Variants in TP53BP2 observed in about 807,000 individuals in gnomAD.
TP53BP2 encodes tumor protein p53 binding protein 2.
A neutral mutation model predicts 126.2 loss-of-function variants in TP53BP2; 62 were observed. The ratio of observed to expected loss-of-function variants is 0.49; its 90% confidence interval spans 0.40 to 0.61. The LOEUF (loss-of-function observed/expected upper bound fraction) is 0.61. Among genes scored for constraint, TP53BP2 ranks in the 20% least tolerant of loss-of-function variants. The pLI is 0.00. For missense variants in TP53BP2, 1,215 were observed against 1,402.8 expected (o/e 0.87, Z 2.14); for synonymous variants, 485 against 502.9 (o/e 0.96, Z 0.48).
chr1:223,786,611 T>TGTG (rs1491259336), intron 16 of TP53BP2, among the ~76,000 whole-genome samples: 1 of 149,346 alleles, frequency 6.7e-6, no homozygotes, highest in Non-Finnish European at 1.5e-5. Flanking sequence ...TGTGTGTATA[T>TGTG]TTTTTTTTCC....
At chr1:223,811,612 T>C (rs1662909042) in intron 3 of TP53BP2, among the ~76,000 whole-genome samples, 1 of 152,244 alleles carries the variant, frequency 6.6e-6, no homozygotes, top group South Asian at 2.1e-4. Flanking sequence ...TTCTCCTTTG[T>C]ATCATCAGTT....
At chr1:223,845,322 T>C in intron 1 of TP53BP2, 2 of 904,522 alleles carry the variant, frequency 2.2e-6, no homozygotes, top group Non-Finnish European at 2.6e-6. Flanking sequence ...TTCTTGACCT[T>C]CAAGAACTGC....
At chr1:223,785,422 C>G (rs997804854) in intron 16 of TP53BP2, among the ~76,000 whole-genome samples, 1 of 152,224 alleles carries the variant, frequency 6.6e-6, no homozygotes, top group Non-Finnish European at 1.5e-5. Context: ...CAAAGCATGA[C>G]AGACTCACAT....
chr1:223,798,401 C>A lies in TP53BP2; in HGVS notation c.1762G>T (p.Val588Phe). The A allele has an allele frequency of 6.2e-7, 1 of 1,614,138 alleles. No individual in the cohort carries two copies. Among genetic ancestry groups the A allele is most frequent in the Non-Finnish European group, 8.5e-7 (1 of 1,180,026 alleles). Residue 588 changes from valine to phenylalanine, a missense_variant, in exon 12 of 18, where the codon GTC becomes TTC. Physicochemically the swap from Val to Phe is conservative, Grantham distance 50. This residue lies in a region of TP53BP2 where 814 missense variants were observed against 853.0 expected (regional missense o/e 0.95). Coordinates refer to ENST00000343537, the MANE Select transcript of TP53BP2 (RefSeq NM_001031685.3). ...SKQESPPAAA[V>F]RPFTPQPSKD... ...GAAGGCTGGGGAGTAAAGGGCCGGA[C>A]GGCAGCAGCAGGTGGACTTTCTTGC...
rs186146372 is a variant in TP53BP2, at chr1:223,840,296, A to G, written c.27+5358T>C. On this transcript the variant is annotated intron_variant, in intron 1 of 17. Transcript: ENST00000343537. ...TCTCACCTACCACTGCAATATAACT[A>G]TACATTTCATACATAGTCACATCAT... Among the ~76,000 whole-genome samples the G allele has an allele frequency of 5.1e-3, 774 of 152,328 alleles. 3 individuals are homozygous for G. Among genetic ancestry groups the G allele is most frequent in the Non-Finnish European group, 7.7e-3 (526 of 68,024 alleles).
intron 1 of TP53BP2, among the ~76,000 whole-genome samples, chr1:223,843,319 C>T (rs780200157): frequency 6.6e-6 from 1 of 152,068 alleles, no homozygotes; most frequent in East Asian, 1.9e-4. Context: ...TACAGGCGCA[C>T]GCCACCACAC....
intron 15 of TP53BP2, among the ~76,000 whole-genome samples, 154 bp downstream of exon 15, chr1:223,792,235 C>T (rs145535682): frequency 5.4e-4 from 82 of 152,274 alleles, no homozygotes; most frequent in Non-Finnish European, 1.0e-3. Flanking sequence ...CATGTTAATT[C>T]CTCAAAAATA....
chr1:223,832,182 A>C (rs1260015156), intron 1 of TP53BP2, among the ~76,000 whole-genome samples: 1 of 152,246 alleles, frequency 6.6e-6, no homozygotes, highest in Non-Finnish European at 1.5e-5. Flanking sequence ...CTGTCACCAA[A>C]GGGAAATTAC....
intron 2 of TP53BP2, among the ~76,000 whole-genome samples, chr1:223,816,329 G>C (rs1336730684): frequency 2.0e-5 from 3 of 152,092 alleles, no homozygotes; most frequent in African/African-American, 7.2e-5. Context: ...AAGGAAACAA[G>C]ACAGGAGAGG....
chr1:223,781,730 T>C (rs1290946085), intron 17 of TP53BP2, among the ~76,000 whole-genome samples: 1 of 152,112 alleles, frequency 6.6e-6, no homozygotes, highest in Non-Finnish European at 1.5e-5. Context: ...CTTTTCTATC[T>C]GAAAAAAAGA....
In TP53BP2 at chr1:223,780,686, TA is replaced by T. The variant is rs1214096930; in HGVS notation, c.*166del. Reference sequence around the variant, plus strand: ...TTATTTCATCACGCTAAATGTCCTCTAATGGTGAATTCTTCAATCCTTCATT... The same window carrying T: ...TTATTTCATCACGCTAAATGTCCTCTATGGTGAATTCTTCAATCCTTCATT... On this transcript the variant is annotated 3_prime_UTR_variant, in exon 18 of 18. Transcript: ENST00000343537. The T allele has an allele frequency of 5.7e-5, 39 of 680,142 alleles. No individual in the cohort carries two copies. Among genetic ancestry groups the T allele is most frequent in the Non-Finnish European group, 8.1e-5 (33 of 405,742 alleles). 42.1% of individuals were successfully genotyped at this position (680,142 alleles called of 1,614,324 possible).
At chr1:223,782,551 C>T (rs1661809969) in intron 17 of TP53BP2, among the ~76,000 whole-genome samples, 2 of 152,272 alleles carry the variant, frequency 1.3e-5, no homozygotes, top group African/African-American at 2.4e-5. Context: ...GGCACGATCT[C>T]GGCTCACCAC....
intron 3 of TP53BP2, among the ~76,000 whole-genome samples, chr1:223,812,988 G>A (rs111775568): frequency 0.031 from 4,704 of 152,170 alleles, 240 homozygotes; most frequent in African/African-American, 0.11. Context: ...ATGAGCCACC[G>A]CGCTCAGCCA....
intron 1 of TP53BP2, among the ~76,000 whole-genome samples, chr1:223,837,102 G>A (rs1025155311): frequency 1.6e-5 from 2 of 126,458 alleles, no homozygotes; most frequent in African/African-American, 6.0e-5. Flanking sequence ...TAGGTCACTC[G>A]CTACTTTGTG....
chr1:223,839,570 G>A (rs1056678268), intron 1 of TP53BP2, among the ~76,000 whole-genome samples: 10 of 152,136 alleles, frequency 6.6e-5, no homozygotes, highest in African/African-American at 1.9e-4. Context: ...TGTGCCTTAA[G>A]GAATTTTGGG....
chr1:223,802,538 C>T (rs2102853229), intron 8 of TP53BP2, 193 bp downstream of exon 8: 1 of 857,528 alleles, frequency 1.2e-6, no homozygotes, highest in African/African-American at 1.7e-5. Flanking sequence ...GTATTAGAGA[C>T]AAACAGAGCT....
At chr1:223,819,497 T>C in intron 2 of TP53BP2, among the ~76,000 whole-genome samples, 1 of 151,914 alleles carries the variant, frequency 6.6e-6, no homozygotes, top group East Asian at 1.9e-4. Flanking sequence ...CCATCCTGGC[T>C]AACACGGTGA....
chr1:223,839,323 C>T (rs939144191), intron 1 of TP53BP2, among the ~76,000 whole-genome samples: 13 of 152,108 alleles, frequency 8.5e-5, no homozygotes, highest in African/African-American at 3.1e-4. Flanking sequence ...GGGGATTAGA[C>T]GGGATGACCA....
intron 1 of TP53BP2, among the ~76,000 whole-genome samples, chr1:223,838,204 A>T (rs1264678827): frequency 6.6e-6 from 1 of 152,168 alleles, no homozygotes; most frequent in East Asian, 1.9e-4. Flanking sequence ...ATTAAGCACT[A>T]TGAAAGAAAG....
Sources: gnomAD v4.1 joint callset for allele counts (sites outside exome capture counted in the v4.1 genomes callset) on GRCh38, gnomAD v4.1.1 for gene constraint, gnomAD v4.1.1 regional missense constraint, MANE v1.5 for transcripts, NCBI Gene and HGNC (gene_info 2026-07-23, HGNC 2026-07-21) for gene names.